The following VPS29 variants were observed in gnomAD, a reference collection of about 807,000 sequenced individuals.
The protein encoded by VPS29 is vacuolar protein sorting-associated protein 29.
In VPS29, 2 loss-of-function variants were observed where a neutral mutation model predicts 20.0. The observed-to-expected ratio is 0.10, with a 90% CI of 0.04 to 0.31. The LOEUF (loss-of-function observed/expected upper bound fraction) is 0.31, where lower values mean the gene tolerates loss of function less well. VPS29 is among the 10% of genes least tolerant of loss of function. VPS29 has a pLI of 1.00. For synonymous variants in VPS29, 81 were observed against 79.3 expected (o/e 1.02, Z -0.12); for missense variants, 120 against 215.3 (o/e 0.56, Z 2.77).
chr12:110,501,880 C>G (rs753413889), intron 1 of VPS29, 169 bp downstream of exon 1: 2 of 1,485,812 alleles, frequency 1.3e-6, no homozygotes, highest in Admixed American at 3.9e-5. Context: ...GGTGGCCGCT[C>G]CCTTCCTTCC....
At position 110,492,988 on chromosome 12, in the gene VPS29, C is replaced by G; in HGVS notation, c.431+8G>C. ...AGCCCCCAAATTCCCAAATTCTATA[C>G]TACTCACGTTTCCAAGGCATTATAT... On this transcript the variant is annotated splice_region_variant and intron_variant, in intron 3 of 3. Coordinates refer to ENST00000549578, the MANE Select transcript of VPS29 (RefSeq NM_016226.5). 5 of 1,604,334 alleles carry G rather than the reference C, an allele frequency of 3.1e-6. No individual in the cohort carries two copies. The highest frequency in any genetic ancestry group is 4.3e-6 in the Non-Finnish European group (5 of 1,175,718).
At chr12:110,497,215 T>C (rs1165362531) in intron 1 of VPS29, among the ~76,000 whole-genome samples, 1 of 123,994 alleles carries the variant, frequency 8.1e-6, no homozygotes, top group Admixed American at 7.9e-5. Context: ...TTCTTTTTTT[T>C]TTTTTTTTTT....
rs544915982 is a variant in VPS29, at chr12:110,498,192, C to T, written c.4-1989G>A. Among the ~76,000 whole-genome samples, 287 of 152,110 alleles carry T rather than the reference C, an allele frequency of 1.9e-3. 1 individual carries two copies. The highest frequency in any genetic ancestry group is 3.3e-3 in the Non-Finnish European group (226 of 67,972). On this transcript the variant is annotated intron_variant, in intron 1 of 3. Coordinates refer to ENST00000549578, the MANE Select transcript of VPS29 (RefSeq NM_016226.5). ...TCACCGTGTTGGCCAGGCTGGTCTC[C>T]AACATCTGACCTCAGGTGACCCACC...
At chr12:110,498,031 G>C (rs2062937163) in intron 1 of VPS29, among the ~76,000 whole-genome samples, 1 of 150,622 alleles carries the variant, frequency 6.6e-6, no homozygotes, top group Admixed American at 6.6e-5. Context: ...GAGTGCAATG[G>C]TGCAATCTTG....
chr12:110,500,908 G>A (rs2063013062), intron 1 of VPS29, among the ~76,000 whole-genome samples: 1 of 152,104 alleles, frequency 6.6e-6, no homozygotes, highest in Admixed American at 6.6e-5. Flanking sequence ...GGCCGGGCGC[G>A]GTGGCTCACG....
intron 2 of VPS29, among the ~76,000 whole-genome samples, chr12:110,495,375 A>C (rs1208427370): frequency 1.3e-5 from 2 of 152,212 alleles, no homozygotes; most frequent in Non-Finnish European, 1.5e-5. Flanking sequence ...GCTTGGAATA[A>C]AGTTAGTAGA....
rs2062840610 is a variant in VPS29 at position 110,492,887 on chromosome 12, T to TG, written c.431+108dup. 5 of 977,372 alleles carry TG rather than the reference T, an allele frequency of 5.1e-6. No individual in the cohort carries two copies. In the East Asian group the frequency reaches 1.3e-4, roughly 26 times the overall value. The allele number at this position is 977,372 out of a possible 1,614,324, so 60.5% of individuals were successfully genotyped here. ...AACCTGCCCTGGTCTCCCGAAGTGC[T>TG]GGTATTACAGGCATGAGCCACTGTG... On this transcript the variant is annotated intron_variant, in intron 3 of 3. Transcript: ENST00000549578.
chr12:110,493,305 A>T, intron 2 of VPS29, 74 bp from the exon 3 acceptor site: 1 of 1,110,708 alleles, frequency 9.0e-7, no homozygotes, highest in South Asian at 2.0e-5. Context: ...GTTTCCTTAA[A>T]TATTCAATCT....
chr12:110,492,688 C>T (rs1332289494), intron 3 of VPS29, among the ~76,000 whole-genome samples: 4 of 151,190 alleles, frequency 2.6e-5, no homozygotes, highest in South Asian at 2.1e-4. Flanking sequence ...GAGCCTCAAA[C>T]GTGGCTCACT....
intron 1 of VPS29, among the ~76,000 whole-genome samples, chr12:110,497,983 T>G (rs535896727): frequency 4.0e-5 from 6 of 151,690 alleles, no homozygotes; most frequent in African/African-American, 7.2e-5. Flanking sequence ...TTTTTTTTTT[T>G]TTTTTGAGAT....
chr12:110,496,836 G>A (rs2062914717), intron 1 of VPS29: 1 of 152,146 alleles, frequency 6.6e-6, no homozygotes, highest in South Asian at 2.1e-4. Flanking sequence ...AAACTATTAG[G>A]TGTACGTTAC....
At chr12:110,494,251 ATTT>A (rs913907254) in intron 2 of VPS29, among the ~76,000 whole-genome samples, 7 of 139,962 alleles carry the variant, frequency 5.0e-5, no homozygotes, top group African/African-American at 1.1e-4. Flanking sequence ...ATATGTATAA[ATTT>A]TTTTTTTTTT....
chr12:110,494,292 G>A (rs183752770), intron 2 of VPS29, among the ~76,000 whole-genome samples: 2 of 141,080 alleles, frequency 1.4e-5, no homozygotes, highest in East Asian at 4.1e-4. Flanking sequence ...TCACTCTGTC[G>A]CCCAGGATGG....
intron 1 of VPS29, chr12:110,501,573 T>C: frequency 2.0e-6 from 3 of 1,535,306 alleles, no homozygotes; most frequent in Non-Finnish European, 1.7e-6. Context: ...GATGGCAAAG[T>C]TAAACGGGTA....
Position 110,502,063 on chromosome 12 carries a change from G to A in VPS29, c.-12C>T, listed in dbSNP as rs2063082252. ...GCAGCCCTCACCATCCTGTCACCGG[G>A]CTCCGCTCAGTCACCACCACCGTCG... On this transcript the variant is annotated 5_prime_UTR_variant, in exon 1 of 4. Coordinates refer to ENST00000549578, the MANE Select transcript of VPS29 (RefSeq NM_016226.5). 1.9e-6 allele frequency: 3 copies of A among 1,611,660 alleles called. No homozygotes were observed. The highest frequency in any genetic ancestry group is 2.5e-6 in the Non-Finnish European group (3 of 1,179,788).
chr12:110,498,418 C>A (rs60813685), intron 1 of VPS29, among the ~76,000 whole-genome samples: 1 of 152,034 alleles, frequency 6.6e-6, no homozygotes, highest in Non-Finnish European at 1.5e-5. Flanking sequence ...ATCAAAGAAA[C>A]CATTAAATAG....
At chr12:110,494,533 C>T (rs951103076) in intron 2 of VPS29, among the ~76,000 whole-genome samples, 5 of 151,848 alleles carry the variant, frequency 3.3e-5, no homozygotes, top group Non-Finnish European at 5.9e-5. Flanking sequence ...GGATTACAGG[C>T]GTGAGCCACC....
At chr12:110,495,537 G>A (rs960484065) in intron 2 of VPS29, among the ~76,000 whole-genome samples, 1 of 151,792 alleles carries the variant, frequency 6.6e-6, no homozygotes, top group South Asian at 2.1e-4. Flanking sequence ...ACGGCAAAAC[G>A]CCATCTCTAC....
At chr12:110,495,867 A>T (rs548069368) in intron 2 of VPS29, 145 bp downstream of exon 2, 1 of 622,610 alleles carries the variant, frequency 1.6e-6, no homozygotes, top group Admixed American at 3.3e-5. Flanking sequence ...GAGGGGCATG[A>T]TGTATAGTAA....
Sources: gnomAD v4.1 joint callset for allele counts (sites outside exome capture counted in the v4.1 genomes callset) on GRCh38, gnomAD v4.1.1 for gene constraint, MANE v1.5 for transcripts, NCBI Gene and HGNC (gene_info 2026-07-23, HGNC 2026-07-21) for gene names.